MFSD8: variants seen among roughly 807,000 people sequenced by gnomAD.
MFSD8 encodes major facilitator superfamily domain containing 8, also known as major facilitator superfamily domain-containing protein 8.
MFSD8 carries 55 observed loss-of-function variants against 66.4 expected under a neutral mutation model. The ratio of observed to expected loss-of-function variants is 0.83; its 90% CI spans 0.67 to 1.04. The LOEUF (loss-of-function observed/expected upper bound fraction) is 1.04, where lower values mean the gene tolerates loss of function less well. Ranked by LOEUF, MFSD8 falls within the 50% of genes least tolerant of loss-of-function variation. The pLI is 0.00. For missense variants in MFSD8, 550 were observed against 627.6 expected (o/e 0.88, Z 1.32); for synonymous variants, 202 against 212.8 (o/e 0.95, Z 0.44).
At position 127,933,149 on chromosome 4, in the gene MFSD8, C is replaced by T. The variant is rs538897648; in HGVS notation, c.755-56G>A. 2.0e-5 allele frequency: 28 copies of T among 1,398,286 alleles called. No homozygotes were observed. The East Asian group carries it at 6.0e-4, about 30-fold the overall frequency. 86.6% of individuals were successfully genotyped at this position (1,398,286 alleles called of 1,614,324 possible). Reference sequence around the variant, plus strand: ...CCTATACATCTAATTTTTCTTATGACATTAAAGTAATGTAGAAATTACATT... The same window carrying T: ...CCTATACATCTAATTTTTCTTATGATATTAAAGTAATGTAGAAATTACATT... On this transcript the variant is annotated intron_variant, in intron 7 of 11. Transcript: ENST00000641686.
At chr4:127,953,561 T>G (rs1197627353) in intron 2 of MFSD8, among the ~76,000 whole-genome samples, 1 of 139,740 alleles carries the variant, frequency 7.2e-6, no homozygotes, top group East Asian at 2.0e-4. Flanking sequence ...TTTTTTTTTT[T>G]TTTTTTTTTT....
At chr4:127,927,220 CTT>C (rs1737358805) in intron 9 of MFSD8, among the ~76,000 whole-genome samples, 1 of 150,724 alleles carries the variant, frequency 6.6e-6, no homozygotes, top group Non-Finnish European at 1.5e-5. Flanking sequence ...GAATTTCACT[CTT>C]GTCATCCAGG....
chr4:127,935,772 T>C (rs576926852), intron 7 of MFSD8, among the ~76,000 whole-genome samples: 12 of 152,332 alleles, frequency 7.9e-5, no homozygotes, highest in Non-Finnish European at 1.5e-5. Context: ...ATACCCATTA[T>C]TGAGCACTTG....
intron 1 of MFSD8, among the ~76,000 whole-genome samples, chr4:127,963,687 A>C (rs1241018308): frequency 2.0e-5 from 3 of 152,216 alleles, no homozygotes; most frequent in Non-Finnish European, 2.9e-5. Flanking sequence ...GTTACGGCTC[A>C]TAAAAGCCGT....
intron 3 of MFSD8, among the ~76,000 whole-genome samples, chr4:127,946,705 A>G (rs1741085221): frequency 6.6e-6 from 1 of 152,132 alleles, no homozygotes. Flanking sequence ...ACCCAAGGTC[A>G]GGAGTTTGAG....
chr4:127,955,539 CA>C (rs34570244), intron 2 of MFSD8, among the ~76,000 whole-genome samples: 56,505 of 102,592 alleles, frequency 0.55, 12,688 homozygotes, highest in Middle Eastern at 0.75. Flanking sequence ...GACTTTGTCT[CA>C]AAAAAAAAAA....
At chr4:127,938,532 G>A (rs1179384148) in intron 7 of MFSD8, among the ~76,000 whole-genome samples, 5 of 149,538 alleles carry the variant, frequency 3.3e-5, no homozygotes, top group Non-Finnish European at 5.9e-5. Context: ...GCAGTGAGCA[G>A]AGATCGCACC....
rs1736332603 is a variant in MFSD8, at chr4:127,921,523, C to T, written c.1350+1G>A. The T allele has an allele frequency of 1.2e-6, 2 of 1,614,140 alleles. No individual in the cohort carries two copies. Among genetic ancestry groups the T allele is most frequent in the Non-Finnish European group, 1.7e-6 (2 of 1,180,040 alleles). The stretch of plus-strand genomic sequence containing the variant: ...TTGCAATGTCAGGGTACCTGGCTTA[C>T]CTGAGGTTTTGGTCCTAGAATTTTT... On this transcript the variant is annotated splice_donor_variant, in intron 11 of 11. Coordinates refer to ENST00000641686, the MANE Select transcript of MFSD8 (RefSeq NM_001371596.2). LOFTEE classifies it high-confidence loss of function.
chr4:127,926,086 G>A (rs939998405), intron 9 of MFSD8, among the ~76,000 whole-genome samples: 7 of 151,760 alleles, frequency 4.6e-5, no homozygotes, highest in East Asian at 3.9e-4. Context: ...GGCCTATTGC[G>A]GGGTGGGGGG....
rs1736179654 is a variant in MFSD8, at chr4:127,920,385, A to C, written c.*245T>G. ...CTCATTAGTTCATGCAACCACAAAAAGGTATTATAAGAATAATATTTCATT... is the reference window on the plus strand; with the variant it reads ...CTCATTAGTTCATGCAACCACAAAACGGTATTATAAGAATAATATTTCATT... On this transcript the variant is annotated 3_prime_UTR_variant, in exon 12 of 12. Transcript: ENST00000641686. 1 of 507,904 alleles carries C rather than the reference A, an allele frequency of 2.0e-6. No homozygotes were observed. The highest frequency in any genetic ancestry group is 2.1e-5 in the South Asian group (1 of 47,664). The allele number at this position is 507,904 out of a possible 1,614,324, so 31.5% of individuals were successfully genotyped here.
chr4:127,956,393 G>A (rs558820278), intron 2 of MFSD8, among the ~76,000 whole-genome samples: 8 of 151,390 alleles, frequency 5.3e-5, no homozygotes, highest in African/African-American at 1.2e-4. Context: ...CCAGCTACTC[G>A]GGAGGCTGAG....
At chr4:127,949,908 A>G in intron 2 of MFSD8, 61 bp from the exon 3 acceptor site, 1 of 1,446,872 alleles carries the variant, frequency 6.9e-7, no homozygotes. Flanking sequence ...TTACAGATAC[A>G]ATTTTCTGAA....
intron 8 of MFSD8, 195 bp downstream of exon 8, chr4:127,932,790 A>G (rs185680395): frequency 2.0e-6 from 1 of 503,814 alleles, no homozygotes; most frequent in African/African-American, 2.0e-5. Context: ...AAGATAAGGT[A>G]GTTAAGATTA....
intron 3 of MFSD8, 83 bp downstream of exon 3, chr4:127,949,721 A>G: frequency 8.7e-7 from 1 of 1,154,170 alleles, no homozygotes; most frequent in South Asian, 1.3e-5. Flanking sequence ...AGAATACCAA[A>G]GAGACTCTTT....
rs186059864 is a variant in MFSD8, at chr4:127,928,368, C to T, written c.998+2315G>A. On this transcript the variant is annotated intron_variant, in intron 9 of 11. Transcript: ENST00000641686. ...TGCTGACCCCAAATGATCCAGCTGC[C>T]TTGGCCTCCCAAAATGCTGGGATTA... Among the ~76,000 whole-genome samples, 385 of 152,282 alleles carry T rather than the reference C, an allele frequency of 2.5e-3. 1 individual carries two copies. The highest frequency in any genetic ancestry group is 0.016 in the South Asian group (79 of 4,826).
At chr4:127,931,941 T>A (rs1435362349) in intron 8 of MFSD8, among the ~76,000 whole-genome samples, 3 of 152,066 alleles carry the variant, frequency 2.0e-5, no homozygotes, top group Non-Finnish European at 4.4e-5. Flanking sequence ...AAATCCTGTC[T>A]CTACAAAAAA....
rs1347930109 is a variant in MFSD8, at chr4:127,944,077, C to T, written c.199-85G>A. ...ACATTTGTCATACCATGTAAGATTT[C>T]CTATCAAAAAATAAAAACAATTCTA... On this transcript the variant is annotated intron_variant, in intron 3 of 11. Coordinates refer to ENST00000641686, the MANE Select transcript of MFSD8 (RefSeq NM_001371596.2). 6 of 1,567,300 alleles carry T rather than the reference C, an allele frequency of 3.8e-6. No individual in the cohort carries two copies. In the African/African-American group the frequency reaches 4.1e-5, roughly 11 times the overall value.
chr4:127,930,894 T>TGATACGGCG, intron 8 of MFSD8, 77 bp from the exon 9 acceptor site: 2 of 1,304,660 alleles, frequency 1.5e-6, no homozygotes, highest in Admixed American at 2.1e-5. Context: ...TAAGTTTTAA[T>TGATACGGCG]AACGACATCT....
At chr4:127,941,471 AT>A (rs930680406) in intron 5 of MFSD8, among the ~76,000 whole-genome samples, 2 of 151,788 alleles carry the variant, frequency 1.3e-5, no homozygotes, top group East Asian at 1.9e-4. Flanking sequence ...AATCTCATTA[AT>A]TTTTTTTGAG....
Sources: gnomAD v4.1 joint callset for allele counts (sites outside exome capture counted in the v4.1 genomes callset) on GRCh38, gnomAD v4.1.1 for gene constraint, MANE v1.5 for transcripts, NCBI Gene and HGNC (gene_info 2026-07-23, HGNC 2026-07-21) for gene names.